The following GRM5 variants were observed in gnomAD, a reference collection of about 807,000 sequenced individuals.
GRM5 encodes metabotropic glutamate receptor 5.
A neutral mutation model predicts 83.1 loss-of-function variants in GRM5; 19 were observed. The ratio of observed to expected loss-of-function variants is 0.23; its 90% CI spans 0.16 to 0.34. GRM5 has a LOEUF of 0.34. GRM5 is among the 10% of genes least tolerant of loss of function. The probability of loss-of-function intolerance (pLI) is 1.00; values close to 1 mark genes in which losing one functional copy is unlikely to be tolerated. For missense variants in GRM5, 1,160 were observed against 1,588.3 expected, an observed-to-expected ratio of 0.73 and a Z score of 4.58; for synonymous variants, 675 against 633.6, an observed-to-expected ratio of 1.07 and a Z score of -0.98.
chr11:88,868,935 C>T (rs1406663363), intron 2 of GRM5, among the ~76,000 whole-genome samples: 1 of 151,682 alleles, frequency 6.6e-6, no homozygotes, highest in Non-Finnish European at 1.5e-5. Context: ...CCTCATTTTG[C>T]TGCTGATGAA....
intron 2 of GRM5, among the ~76,000 whole-genome samples, chr11:88,983,598 C>T (rs1374023853): frequency 1.3e-5 from 2 of 152,162 alleles, no homozygotes; most frequent in Non-Finnish European, 2.9e-5. Flanking sequence ...CTAACACATA[C>T]AGTTACATAC....
At chr11:89,020,902 T>C (rs1940967238) in intron 2 of GRM5, among the ~76,000 whole-genome samples, 1 of 152,168 alleles carries the variant, frequency 6.6e-6, no homozygotes. Flanking sequence ...CTTAGTGAGA[T>C]TAGTGCTTTC....
chr11:88,999,582 G>A (rs1474175095), intron 2 of GRM5, among the ~76,000 whole-genome samples: 1 of 152,090 alleles, frequency 6.6e-6, no homozygotes, highest in East Asian at 1.9e-4. Context: ...AAAAAGTCAG[G>A]AAACAGCAGG....
intron 3 of GRM5, among the ~76,000 whole-genome samples, chr11:88,774,211 G>A (rs527383978): frequency 2.0e-5 from 3 of 152,106 alleles, no homozygotes; most frequent in Non-Finnish European, 2.9e-5. Context: ...TCCCTTTGTA[G>A]CAACTGTGAA....
intron 3 of GRM5, among the ~76,000 whole-genome samples, chr11:88,753,639 A>C (rs1942330915): frequency 6.6e-6 from 1 of 152,208 alleles, no homozygotes; most frequent in East Asian, 1.9e-4. Flanking sequence ...TCATTGAAGC[A>C]CTATTCACAG....
At position 88,806,951 on chromosome 11, in the gene GRM5, T is replaced by C. The variant is rs1310231534; in HGVS notation, c.911+42955A>G. On this transcript the variant is annotated intron_variant, in intron 3 of 9. Coordinates refer to ENST00000305447, the MANE Select transcript of GRM5 (RefSeq NM_001143831.3). ...AACTTCAAGACAATGATTATCTTCT[T>C]TTAAGACTTGATTCAAATATTGCTT... 3.9e-5 allele frequency among the ~76,000 whole-genome samples: 6 copies of C among 152,224 alleles called. No homozygotes were observed. In the East Asian group the frequency reaches 1.2e-3, roughly 29 times the overall value.
At position 88,859,038 on chromosome 11, in the gene GRM5, T is replaced by C. The variant is rs146505271; in HGVS notation, c.662-8883A>G. Among the ~76,000 whole-genome samples, 383 of 152,100 alleles carry C rather than the reference T, an allele frequency of 2.5e-3. 2 individuals are homozygous for C. The highest frequency in any genetic ancestry group is 8.9e-3 in the African/African-American group (368 of 41,530). On this transcript the variant is annotated intron_variant, in intron 2 of 9. Transcript: ENST00000305447. Reference sequence around the variant, plus strand: ...AAGAAGAAGAGAAACCAAGATAATATATTCTTATGGAAATCAGGAAAAGAA... The same window carrying C: ...AAGAAGAAGAGAAACCAAGATAATACATTCTTATGGAAATCAGGAAAAGAA...
intron 4 of GRM5, among the ~76,000 whole-genome samples, chr11:88,627,600 C>T (rs554351869): frequency 2.6e-5 from 4 of 152,252 alleles, no homozygotes; most frequent in African/African-American, 7.2e-5. Flanking sequence ...CAGAACTCAT[C>T]TTCTGTACCT....
intron 2 of GRM5, among the ~76,000 whole-genome samples, chr11:89,014,222 C>A (rs1192493136): frequency 6.6e-6 from 1 of 152,130 alleles, no homozygotes; most frequent in Non-Finnish European, 1.5e-5. Flanking sequence ...TTGCTAGTAA[C>A]TCCACCTCTA....
chr11:88,899,664 C>T, intron 2 of GRM5, among the ~76,000 whole-genome samples: 1 of 151,814 alleles, frequency 6.6e-6, no homozygotes, highest in East Asian at 1.9e-4. Flanking sequence ...ACTAGAATGG[C>T]CTGAAATAAT....
At chr11:88,675,181 A>G (rs879630345) in intron 3 of GRM5, among the ~76,000 whole-genome samples, 5 of 151,914 alleles carry the variant, frequency 3.3e-5, no homozygotes, top group East Asian at 1.9e-4. Context: ...GCAGTTTTGT[A>G]CTTTAAACAC....
At chr11:88,523,873 AT>A (rs1941776444) in intron 9 of GRM5, 1 of 152,186 alleles carries the variant, frequency 6.6e-6, no homozygotes, top group South Asian at 2.1e-4. Flanking sequence ...AGCAAACAAA[AT>A]GTTTGTGGTG....
intron 3 of GRM5, among the ~76,000 whole-genome samples, chr11:88,707,960 T>C (rs539176792): frequency 1.3e-5 from 2 of 152,212 alleles, no homozygotes; most frequent in South Asian, 4.1e-4. Context: ...TTCCAGATTA[T>C]GGTCTTTCTT....
intron 2 of GRM5, among the ~76,000 whole-genome samples, chr11:88,868,961 C>T (rs2135559181): frequency 6.6e-6 from 1 of 151,766 alleles, no homozygotes; most frequent in African/African-American, 2.4e-5. Context: ...ACGATAGTAC[C>T]AAAGTATTGG....
At chr11:88,518,215 C>A (rs890921404) in intron 9 of GRM5, among the ~76,000 whole-genome samples, 2 of 151,816 alleles carry the variant, frequency 1.3e-5, no homozygotes, top group Non-Finnish European at 2.9e-5. Context: ...GTTAGTAATT[C>A]TTTCAGAAAA....
At chr11:88,991,053 G>A (rs1214960768) in intron 2 of GRM5, among the ~76,000 whole-genome samples, 1 of 152,140 alleles carries the variant, frequency 6.6e-6, no homozygotes, top group African/African-American at 2.4e-5. Flanking sequence ...TATTCAATTA[G>A]GAAAAGAGGA....
chr11:88,790,036 G>C (rs964215682), intron 3 of GRM5, among the ~76,000 whole-genome samples: 4 of 151,990 alleles, frequency 2.6e-5, no homozygotes, highest in African/African-American at 9.7e-5. Flanking sequence ...GCAAATTTTT[G>C]TATTTTTAAT....
chr11:88,603,189 A>C (rs543697840), intron 5 of GRM5, among the ~76,000 whole-genome samples: 2 of 152,370 alleles, frequency 1.3e-5, no homozygotes, highest in South Asian at 2.1e-4. Context: ...ATGATTATGA[A>C]TAAGGTAGCG....
intron 2 of GRM5, among the ~76,000 whole-genome samples, chr11:88,898,246 G>A (rs2135592959): frequency 6.6e-6 from 1 of 151,498 alleles, no homozygotes. Context: ...ATTGAATAAG[G>A]GCCCACACTA....
Sources: gnomAD v4.1 joint callset for allele counts (sites outside exome capture counted in the v4.1 genomes callset) on GRCh38, gnomAD v4.1.1 for gene constraint, MANE v1.5 for transcripts, NCBI Gene and HGNC (gene_info 2026-07-23, HGNC 2026-07-21) for gene names.